COL27A1: variants seen among roughly 807,000 people sequenced by gnomAD.
COL27A1 encodes collagen type XXVII alpha 1 chain.
A neutral mutation model predicts 251.3 loss-of-function variants in COL27A1; 106 were observed. The observed-to-expected ratio is 0.42, with a 90% CI of 0.36 to 0.50. The LOEUF (loss-of-function observed/expected upper bound fraction) is 0.50. Ranked by LOEUF, COL27A1 falls within the 20% of genes least tolerant of loss-of-function variation. The pLI is 0.00. For synonymous variants in COL27A1, 1,000 were observed against 986.3 expected, an observed-to-expected ratio of 1.01 and a Z score of -0.26; for missense variants, 2,325 against 2,522.8, an observed-to-expected ratio of 0.92 and a Z score of 1.68.
At position 114,311,446 on chromosome 9, in the gene COL27A1, TCTC is replaced by T. The variant is rs1429108935; in HGVS notation, c.*756_*758del. 6.6e-6 allele frequency: 1 copy of T among 150,808 alleles called. No homozygotes were observed. The highest frequency in any genetic ancestry group is 1.5e-5 in the Non-Finnish European group (1 of 67,876). 9.3% of individuals were successfully genotyped at this position (150,808 alleles called of 1,614,324 possible). A position where few individuals can be genotyped will look rare whatever the true frequency, so the allele number is the denominator to read the frequency against. The stretch of plus-strand genomic sequence containing the variant: ...GTGGGGCATCATCCGCATCTTTCTC[TCTC>T]CTCCAAATGACAAAGTTTGGGGAAT... On this transcript the variant is annotated 3_prime_UTR_variant, in exon 61 of 61. Transcript: ENST00000356083.
Position 114,246,068 on chromosome 9 carries a change from G to A in COL27A1, c.2979+158G>A, listed in dbSNP as rs1026856369. Reference sequence around the variant, plus strand: ...CTCTACCCCTTTCACGAATGTGGACGGTGACCCTCAGAACGGGGAAGTCTG... The same window carrying A: ...CTCTACCCCTTTCACGAATGTGGACAGTGACCCTCAGAACGGGGAAGTCTG... On this transcript the variant is annotated intron_variant, in intron 24 of 60. Coordinates refer to ENST00000356083, the MANE Select transcript of COL27A1 (RefSeq NM_032888.4). 3.3e-5 allele frequency: 20 copies of A among 601,360 alleles called. No individual in the cohort carries two copies. The East Asian group carries it at 5.3e-4, about 16-fold the overall frequency. The allele number at this position is 601,360 out of a possible 1,614,324, so 37.3% of individuals were successfully genotyped here.
chr9:114,303,327 C>T (rs1230511611), intron 56 of COL27A1, among the ~76,000 whole-genome samples: 2 of 151,616 alleles, frequency 1.3e-5, no homozygotes, highest in African/African-American at 4.8e-5. Context: ...CAACCTCCTC[C>T]TCCCAGGTTC....
chr9:114,183,219 C>G (rs1828072567), intron 5 of COL27A1, 144 bp downstream of exon 5: 4 of 743,698 alleles, frequency 5.4e-6, no homozygotes, highest in Non-Finnish European at 9.1e-6. Context: ...CTCTGGGCCC[C>G]TTTCCAGGGC....
intron 27 of COL27A1, among the ~76,000 whole-genome samples, chr9:114,253,317 A>AAGAAAGAAAGAAAGAAAGAG (rs1179949305): frequency 1.3e-5 from 2 of 149,900 alleles, no homozygotes; most frequent in African/African-American, 2.5e-5. Context: ...GAAAGAAAGA[A>AAGAAAGAAAGAAAGAAAGAG]AGAGAGAGGA....
At chr9:114,291,514 T>C (rs1827915353) in intron 48 of COL27A1, among the ~76,000 whole-genome samples, 1 of 152,124 alleles carries the variant, frequency 6.6e-6, no homozygotes. Context: ...TTTTGGAGGC[T>C]GAGGCTGGCG....
Position 114,290,328 on chromosome 9 carries a change from G to T in COL27A1, c.4365G>T (p.Gln1455His). 1 of 1,573,656 alleles carries T rather than the reference G, an allele frequency of 6.4e-7. No individual in the cohort carries two copies. The highest frequency in any genetic ancestry group is 1.7e-4 in the Middle Eastern group (1 of 5,984). ...GLPGRDGQAG[Q>H]QGEQGDDGDP... ...CTGGCAGGGACGGGCAAGCAGGACA[G>T]CAGGTGAGCGGGAATTGGCATTAAC... Residue 1455 changes from glutamine to histidine, a missense_variant, in exon 47 of 61, where the codon CAG becomes CAT. This residue lies in a region of COL27A1 where 153 missense variants were observed against 140.7 expected (regional missense o/e 1.09). Coordinates refer to ENST00000356083, the MANE Select transcript of COL27A1 (RefSeq NM_032888.4). This position sits in a 1 kb window ranked among gnomAD's most constrained non-coding sequence, Gnocchi z 4.6.
rs779557190 is a variant in COL27A1, at chr9:114,290,129, C to T, written c.4260+18C>T. On this transcript the variant is annotated intron_variant, in intron 46 of 60. Transcript: ENST00000356083. The surrounding 1 kb of genome is among the most constrained non-coding windows in gnomAD (Gnocchi z 4.6). ...GGGTCCAGGTGAGTGACTACAGCTG[C>T]TGTTTCCAGCCAACCTCCCTGCCCG... 1.2e-6 allele frequency: 2 copies of T among 1,611,366 alleles called. No homozygotes were observed. The highest frequency in any genetic ancestry group is 2.2e-5 in the East Asian group (1 of 44,862).
chr9:114,236,854 A>G, intron 17 of COL27A1, 127 bp from the exon 18 acceptor site: 2 of 804,404 alleles, frequency 2.5e-6, no homozygotes, highest in East Asian at 2.7e-5. Flanking sequence ...AGGGAAAGGA[A>G]GGAAGGAGCT....
chr9:114,300,651 A>C lies in COL27A1; in HGVS notation c.4665A>C (p.Lys1555Asn). Residue 1555 changes from lysine to asparagine, a missense_variant, in exon 51 of 61, where the codon AAA becomes AAC. Lys to Asn is a moderately conservative substitution (Grantham distance 94). Transcript: ENST00000356083. ...GCCCGCCTGGAGACATTGGCTTCAA[A>C]GGCATCCAGGGCCCTCGGGGGCCAC... ...PKGPPGDIGF[K>N]GIQGPRGPPG... is the part of the protein sequence containing the mutation. 6.6e-7 allele frequency: 1 copy of C among 1,526,444 alleles called. No homozygotes were observed. Among genetic ancestry groups the C allele is most frequent in the Non-Finnish European group, 8.8e-7 (1 of 1,140,570 alleles). 94.6% of individuals were successfully genotyped at this position (1,526,444 alleles called of 1,614,324 possible). A position where few individuals can be genotyped will look rare whatever the true frequency, so the allele number is the denominator to read the frequency against.
chr9:114,302,453 G>A (rs1383285730), intron 56 of COL27A1, among the ~76,000 whole-genome samples: 1 of 152,144 alleles, frequency 6.6e-6, no homozygotes, highest in Non-Finnish European at 1.5e-5. Flanking sequence ...GGGGCCGGGC[G>A]CAGTGGCTCA....
At chr9:114,301,958 G>A (rs933757366) in intron 55 of COL27A1, 124 bp from the exon 56 acceptor site, 20 of 1,078,772 alleles carry the variant, frequency 1.9e-5, no homozygotes, top group African/African-American at 6.2e-5. Flanking sequence ...CCAAGCCTCC[G>A]GGAAAGCAGA....
chr9:114,304,735 G>A (rs1244013491), intron 57 of COL27A1, 62 bp downstream of exon 57: 7 of 1,439,490 alleles, frequency 4.9e-6, no homozygotes, highest in Non-Finnish European at 6.8e-6. Context: ...ATAGATAATG[G>A]CCCACATGTG....
intron 37 of COL27A1, among the ~76,000 whole-genome samples, chr9:114,276,497 C>T (rs145346140): frequency 1.0e-3 from 153 of 152,296 alleles, no homozygotes; most frequent in Admixed American, 2.0e-3. Context: ...CTCAGTTACT[C>T]AGGAGGCTGA....
intron 49 of COL27A1, among the ~76,000 whole-genome samples, chr9:114,299,787 G>C (rs1828489493): frequency 6.6e-6 from 1 of 152,212 alleles, no homozygotes; most frequent in Admixed American, 6.5e-5. Flanking sequence ...GTCCCTTGAA[G>C]ACCTGGGACA....
At chr9:114,243,642 C>T in intron 23 of COL27A1, 82 bp downstream of exon 23, 2 of 1,194,208 alleles carry the variant, frequency 1.7e-6, no homozygotes, top group Non-Finnish European at 2.4e-6. Flanking sequence ...CCCCAAATCC[C>T]ATGGCCAGTT....
intron 26 of COL27A1, 65 bp from the exon 27 acceptor site, chr9:114,252,814 C>A (rs1181557435): frequency 1.3e-6 from 2 of 1,541,522 alleles, no homozygotes; most frequent in Non-Finnish European, 9.0e-7. Flanking sequence ...CTGAGCCGAC[C>A]GAGGTGGGAC....
At chr9:114,209,910 A>G (rs1369394213) in intron 11 of COL27A1, among the ~76,000 whole-genome samples, 182 bp downstream of exon 11, 1 of 152,260 alleles carries the variant, frequency 6.6e-6, no homozygotes, top group Non-Finnish European at 1.5e-5. Context: ...AGGGAACAGC[A>G]TGTGCGAAGT....
chr9:114,234,102 G>GT (rs1832171938), intron 16 of COL27A1, among the ~76,000 whole-genome samples: 1 of 151,782 alleles, frequency 6.6e-6, no homozygotes, highest in African/African-American at 2.4e-5. Flanking sequence ...CCTGCTCCGA[G>GT]CCCAGCTCCC....
chr9:114,301,000 C>T lies in COL27A1; in HGVS notation c.4702-72C>T, dbSNP rs555494461. On this transcript the variant is annotated intron_variant, in intron 51 of 60. Transcript: ENST00000356083. The stretch of plus-strand genomic sequence containing the variant: ...ACTCCCTTGCGACGCTCGGGCTGCC[C>T]TCCACCCCGCTCCCCGTGTCTGTTC... 78 of 1,472,904 alleles carry T rather than the reference C, an allele frequency of 5.3e-5. No homozygotes were observed. The East Asian group carries it at 1.8e-3, about 33-fold the overall frequency. The allele number at this position is 1,472,904 out of a possible 1,614,324, so 91.2% of individuals were successfully genotyped here.
Sources: gnomAD v4.1 joint callset for allele counts (sites outside exome capture counted in the v4.1 genomes callset) on GRCh38, gnomAD v4.1.1 for gene constraint, gnomAD v4.1.1 regional missense constraint, Gnocchi (gnomAD v3.1) non-coding constraint, MANE v1.5 for transcripts, NCBI Gene and HGNC (gene_info 2026-07-23, HGNC 2026-07-21) for gene names.